ZNF407: variants seen among roughly 807,000 people sequenced by gnomAD.
The protein encoded by ZNF407 is zinc finger protein 407.
In ZNF407, 17 loss-of-function variants were observed where a neutral mutation model predicts 131.2. The observed-to-expected ratio is 0.13, with a 90% CI of 0.09 to 0.19. The LOEUF (loss-of-function observed/expected upper bound fraction) is 0.19. Ranked by LOEUF, ZNF407 falls within the 10% of genes least tolerant of loss-of-function variation. ZNF407 has a pLI of 1.00. For synonymous variants in ZNF407, 1,156 were observed against 1,062.0 expected (o/e 1.09, Z -1.72); for missense variants, 2,681 against 2,830.6 (o/e 0.95, Z 1.20).
chr18:75,062,048 A>G (rs1490222861), intron 8 of ZNF407: 2 of 152,224 alleles, frequency 1.3e-5, no homozygotes, highest in Admixed American at 6.5e-5. Context: ...GCCTTGGGCA[A>G]CCTGCTCTGT....
At chr18:74,760,960 T>C (rs940968539) in intron 3 of ZNF407, among the ~76,000 whole-genome samples, 6 of 152,190 alleles carry the variant, frequency 3.9e-5, no homozygotes, top group Non-Finnish European at 8.8e-5. Context: ...TTGTGTTCTT[T>C]TGCTTTTATG....
At chr18:74,988,476 A>G (rs1271335934) in intron 8 of ZNF407, among the ~76,000 whole-genome samples, 1 of 150,818 alleles carries the variant, frequency 6.6e-6, no homozygotes, top group Non-Finnish European at 1.5e-5. Flanking sequence ...AAAGATATAT[A>G]TATATAGATA....
chr18:74,839,221 A>G (rs1359978324), intron 4 of ZNF407, among the ~76,000 whole-genome samples: 2 of 152,212 alleles, frequency 1.3e-5, no homozygotes, highest in Admixed American at 6.5e-5. Context: ...AACAATTGCC[A>G]TTGTACATTC....
At position 74,975,803 on chromosome 18, in the gene ZNF407, A is replaced by G. The variant is rs562617224; in HGVS notation, c.5428+55111A>G. 3.3e-5 allele frequency among the ~76,000 whole-genome samples: 5 copies of G among 152,320 alleles called. No homozygotes were observed. In the South Asian group the frequency reaches 6.2e-4, roughly 19 times the overall value. Reference sequence around the variant, plus strand: ...ACATACAGTATCTGTTTTAGTAAGTAAAGTTCAGACAAGAAATGGTTGCCT... The same window carrying G: ...ACATACAGTATCTGTTTTAGTAAGTGAAGTTCAGACAAGAAATGGTTGCCT... On this transcript the variant is annotated intron_variant, in intron 8 of 8. Transcript: ENST00000299687.
intron 4 of ZNF407, among the ~76,000 whole-genome samples, chr18:74,789,547 G>T (rs903225860): frequency 6.6e-6 from 1 of 152,106 alleles, no homozygotes; most frequent in Non-Finnish European, 1.5e-5. Flanking sequence ...TGTGGCTGCT[G>T]TGCCAGTCGT....
At chr18:74,680,365 C>T (rs536335949) in intron 3 of ZNF407, among the ~76,000 whole-genome samples, 5 of 149,452 alleles carry the variant, frequency 3.3e-5, no homozygotes, top group Non-Finnish European at 5.9e-5. Context: ...GCCATGATTG[C>T]GCCACTGCAC....
chr18:74,625,199 T>C (rs906185636), intron 1 of ZNF407, among the ~76,000 whole-genome samples: 1 of 152,268 alleles, frequency 6.6e-6, no homozygotes, highest in Non-Finnish European at 1.5e-5. Context: ...GGAAACTTTT[T>C]TCCTTTTGTT....
At chr18:75,034,903 T>A (rs916304062) in intron 8 of ZNF407, among the ~76,000 whole-genome samples, 1 of 152,206 alleles carries the variant, frequency 6.6e-6, no homozygotes, top group Non-Finnish European at 1.5e-5. Context: ...GTTTGCTGTT[T>A]TCTTCTTCAT....
intron 4 of ZNF407, chr18:74,804,133 C>A: frequency 1.3e-6 from 2 of 1,501,982 alleles, no homozygotes; most frequent in Non-Finnish European, 8.9e-7. Flanking sequence ...AGACATATTT[C>A]ATTGTCTTTT....
chr18:75,058,630 T>A (rs955703686), intron 8 of ZNF407, among the ~76,000 whole-genome samples: 2 of 152,224 alleles, frequency 1.3e-5, no homozygotes, highest in Non-Finnish European at 2.9e-5. Context: ...TTTGGACACA[T>A]AACAGTGACT....
At chr18:74,968,287 G>A (rs575431658) in intron 8 of ZNF407, among the ~76,000 whole-genome samples, 256 of 152,270 alleles carry the variant, frequency 1.7e-3, no homozygotes, top group African/African-American at 5.9e-3. Context: ...TAACTTCCCA[G>A]CTTTTAAATA....
At chr18:74,864,067 A>G (rs917770796) in intron 4 of ZNF407, among the ~76,000 whole-genome samples, 1 of 151,916 alleles carries the variant, frequency 6.6e-6, no homozygotes, top group Non-Finnish European at 1.5e-5. Flanking sequence ...GTGCATGTAG[A>G]CTCTATGGGC....
intron 3 of ZNF407, among the ~76,000 whole-genome samples, chr18:74,712,922 G>T (rs1967800721): frequency 6.6e-6 from 1 of 152,156 alleles, no homozygotes; most frequent in African/African-American, 2.4e-5. Flanking sequence ...TTTGGTGGGA[G>T]AAAAATAGCA....
intron 3 of ZNF407, among the ~76,000 whole-genome samples, chr18:74,754,590 C>G (rs1268813496): frequency 6.6e-6 from 1 of 152,074 alleles, no homozygotes; most frequent in African/African-American, 2.4e-5. Flanking sequence ...TTATTTCTGC[C>G]TTCATTTTGT....
At chr18:74,673,929 T>C (rs1986253925) in intron 3 of ZNF407, among the ~76,000 whole-genome samples, 1 of 152,188 alleles carries the variant, frequency 6.6e-6, no homozygotes, top group Admixed American at 6.5e-5. Context: ...TGACCTACCA[T>C]TTAAAGAAGC....
At chr18:74,884,886 T>C (rs1971286568) in intron 6 of ZNF407, among the ~76,000 whole-genome samples, 2 of 152,146 alleles carry the variant, frequency 1.3e-5, no homozygotes, top group Admixed American at 6.5e-5. Flanking sequence ...GAGTTCATGA[T>C]GTCATCCTTT....
intron 3 of ZNF407, among the ~76,000 whole-genome samples, chr18:74,776,266 C>T (rs950448222): frequency 4.6e-5 from 7 of 152,192 alleles, no homozygotes; most frequent in African/African-American, 1.4e-4. Flanking sequence ...TCTCCTGGCA[C>T]GTTGATCTTG....
intron 4 of ZNF407, among the ~76,000 whole-genome samples, chr18:74,865,243 TCA>T (rs1970994234): frequency 6.6e-6 from 1 of 152,236 alleles, no homozygotes. Flanking sequence ...TTCTTGGACA[TCA>T]GTTCATTTCC....
At chr18:74,893,446 A>G (rs942048225) in intron 7 of ZNF407, among the ~76,000 whole-genome samples, 2 of 152,208 alleles carry the variant, frequency 1.3e-5, no homozygotes, top group Non-Finnish European at 2.9e-5. Flanking sequence ...TACTGAACAA[A>G]AGGCAAGTTC....
Sources: allele counts gnomAD v4.1 joint callset (sites outside exome capture counted in the v4.1 genomes callset), GRCh38; gene constraint gnomAD v4.1.1; transcripts MANE v1.5; gene names NCBI Gene and HGNC (gene_info 2026-07-23, HGNC 2026-07-21).